Variants in ANKRD11 observed in about 807,000 individuals in gnomAD.
ANKRD11 encodes ankyrin repeat domain 11, also known as ankyrin repeat domain-containing protein 11.
ANKRD11 carries 17 observed loss-of-function variants against 195.7 expected under a neutral mutation model. The ratio of observed to expected loss-of-function variants is 0.09; its 90% CI spans 0.06 to 0.13. The LOEUF is 0.13. Ranked by LOEUF, ANKRD11 falls within the 10% of genes least tolerant of loss-of-function variation. The probability of loss-of-function intolerance (pLI) is 1.00; values close to 1 mark genes in which losing one functional copy is unlikely to be tolerated. For synonymous variants in ANKRD11, 1,953 were observed against 1,528.1 expected, an observed-to-expected ratio of 1.28 and a Z score of -6.49; for missense variants, 3,735 against 3,566.1, an observed-to-expected ratio of 1.05 and a Z score of -1.21.
intron 7 of ANKRD11, chr16:89,286,609 A>G: frequency 8.7e-7 from 1 of 1,155,788 alleles, no homozygotes; most frequent in Non-Finnish European, 1.1e-6. Context: ...GTTAGGGAGA[A>G]GAGTGTTATG....
chr16:89,439,392 A>C (rs1052983103), intron 1 of ANKRD11, among the ~76,000 whole-genome samples: 11 of 152,218 alleles, frequency 7.2e-5, no homozygotes, highest in African/African-American at 2.4e-4. Context: ...GTTACCTCCC[A>C]ATAAACCCAG....
At chr16:89,307,920 C>T (rs1344045552) in intron 3 of ANKRD11, among the ~76,000 whole-genome samples, 1 of 151,562 alleles carries the variant, frequency 6.6e-6, no homozygotes, top group Non-Finnish European at 1.5e-5. Context: ...AAGTTTCTAC[C>T]AAACATGTGA....
At chr16:89,344,689 C>A (rs1174250425) in intron 2 of ANKRD11, among the ~76,000 whole-genome samples, 2 of 152,168 alleles carry the variant, frequency 1.3e-5, no homozygotes, top group African/African-American at 4.8e-5. Flanking sequence ...GAGCTGCCGA[C>A]ACCTTCAGAC....
At chr16:89,398,211 T>C (rs76124058) in intron 2 of ANKRD11, among the ~76,000 whole-genome samples, 60 of 141,754 alleles carry the variant, frequency 4.2e-4, no homozygotes, top group African/African-American at 8.7e-4. Flanking sequence ...CAGCTGAAGA[T>C]TACCTGTGAC....
chr16:89,350,170 G>A lies in ANKRD11; in HGVS notation c.-59-33092C>T, dbSNP rs555182045. On this transcript the variant is annotated intron_variant, in intron 2 of 12. Transcript: ENST00000301030. The stretch of plus-strand genomic sequence containing the variant: ...TCACTAGAATGGCTAAAATGGAAAA[G>A]ATGGACTACACCATGTAACGGCAAG... 1.4e-3 allele frequency among the ~76,000 whole-genome samples: 211 copies of A among 152,302 alleles called. 1 individual carries two copies. The highest frequency in any genetic ancestry group is 2.6e-3 in the Non-Finnish European group (178 of 68,030).
At chr16:89,277,468 T>C (rs1201058338) in intron 9 of ANKRD11, 1 of 152,182 alleles carries the variant, frequency 6.6e-6, no homozygotes, top group African/African-American at 2.4e-5. Flanking sequence ...CCCTGTATTT[T>C]CCAAATTTTC....
chr16:89,445,383 G>A (rs1417649281), intron 1 of ANKRD11, among the ~76,000 whole-genome samples: 1 of 152,084 alleles, frequency 6.6e-6, no homozygotes, highest in African/African-American at 2.4e-5. Context: ...TAAACTAAGA[G>A]GTCATCTCCT....
rs2033497731 is a variant in ANKRD11, at chr16:89,274,777, C to CT, written c.7713+36dup. 6 of 1,604,822 alleles carry CT rather than the reference C, an allele frequency of 3.7e-6. No homozygotes were observed. In the Middle Eastern group the frequency reaches 1.1e-3, roughly 293 times the overall value. On this transcript the variant is annotated intron_variant, in intron 11 of 12. Coordinates refer to ENST00000301030, the MANE Select transcript of ANKRD11 (RefSeq NM_013275.6). ...AGGGGAGGCGGGCAGGGTGCAGGCA[C>CT]TTGGACTCATGGGCCTGGCATGCAG... is the stretch of plus-strand genomic sequence containing the variant.
chr16:89,358,962 A>G (rs1445662681), intron 2 of ANKRD11, among the ~76,000 whole-genome samples: 1 of 152,086 alleles, frequency 6.6e-6, no homozygotes, highest in East Asian at 1.9e-4. Flanking sequence ...AGCAGCTGGG[A>G]CCACAGGCAT....
chr16:89,358,668 G>A (rs975961179), intron 2 of ANKRD11, among the ~76,000 whole-genome samples: 2 of 152,208 alleles, frequency 1.3e-5, no homozygotes, highest in Admixed American at 6.5e-5. Flanking sequence ...GATGCTGCCT[G>A]CAGCTCATTT....
intron 1 of ANKRD11, among the ~76,000 whole-genome samples, chr16:89,422,000 A>AT (rs1446319973): frequency 2.0e-5 from 3 of 152,294 alleles, no homozygotes; most frequent in African/African-American, 7.2e-5. Context: ...GGAGGTACTA[A>AT]TGGCGGCTCT....
chr16:89,278,170 G>C (rs1319997218), intron 9 of ANKRD11: 3 of 299,262 alleles, frequency 1.0e-5, no homozygotes, highest in African/African-American at 4.4e-5. Flanking sequence ...CCACACGCTG[G>C]GGCTGGATGG....
chr16:89,402,040 T>C (rs1175037853), intron 2 of ANKRD11, among the ~76,000 whole-genome samples: 1 of 151,818 alleles, frequency 6.6e-6, no homozygotes, highest in Non-Finnish European at 1.5e-5. Flanking sequence ...GCTCCTGGTC[T>C]GTGGTGATTT....
chr16:89,464,652 A>T (rs1194915253), intron 1 of ANKRD11, among the ~76,000 whole-genome samples: 1 of 151,980 alleles, frequency 6.6e-6, no homozygotes. Context: ...AAAAAAGAAA[A>T]GAATAAATCT....
intron 1 of ANKRD11, among the ~76,000 whole-genome samples, chr16:89,449,297 C>T (rs376031530): frequency 6.6e-6 from 1 of 151,538 alleles, no homozygotes; most frequent in East Asian, 1.9e-4. Flanking sequence ...GTGGGGTGGT[C>T]GAGGCTACAG....
intron 1 of ANKRD11, among the ~76,000 whole-genome samples, chr16:89,455,836 A>G (rs534404434): frequency 3.9e-5 from 6 of 152,344 alleles, no homozygotes; most frequent in African/African-American, 9.6e-5. Flanking sequence ...CTCAAAAGGT[A>G]AACACAGAAC....
chr16:89,362,331 A>G (rs894670797), intron 2 of ANKRD11, among the ~76,000 whole-genome samples: 2 of 152,202 alleles, frequency 1.3e-5, no homozygotes, highest in East Asian at 1.9e-4. Context: ...ACCTCACGAC[A>G]CCTTGCACAG....
intron 1 of ANKRD11, among the ~76,000 whole-genome samples, chr16:89,428,394 C>T (rs1023138482): frequency 4.0e-5 from 6 of 151,740 alleles, no homozygotes; most frequent in Admixed American, 2.0e-4. Flanking sequence ...AGCGTGGTGG[C>T]GGGCGCCTAT....
At chr16:89,447,381 T>C (rs970421295) in intron 1 of ANKRD11, among the ~76,000 whole-genome samples, 2 of 152,126 alleles carry the variant, frequency 1.3e-5, no homozygotes, top group Non-Finnish European at 2.9e-5. Flanking sequence ...CAAGGGGGCC[T>C]GAGGTGCCAA....
Sources: gnomAD v4.1 joint callset for allele counts (sites outside exome capture counted in the v4.1 genomes callset) on GRCh38, gnomAD v4.1.1 for gene constraint, MANE v1.5 for transcripts, NCBI Gene and HGNC (gene_info 2026-07-23, HGNC 2026-07-21) for gene names.